The following PCDHGA1 variants were observed in gnomAD, a reference collection of about 807,000 sequenced individuals.
PCDHGA1 encodes protocadherin gamma subfamily A, 1.
A neutral mutation model predicts 58.0 loss-of-function variants in PCDHGA1; 32 were observed. The ratio of observed to expected loss-of-function variants is 0.55; its 90% confidence interval spans 0.42 to 0.74. The LOEUF is 0.74. PCDHGA1 is among the 30% of genes least tolerant of loss of function. The pLI is 0.00. For missense variants in PCDHGA1, 1,205 were observed against 1,182.3 expected (o/e 1.02, Z -0.28); for synonymous variants, 498 against 501.1 (o/e 0.99, Z 0.08).
At chr5:141,444,152 A>ATTTTT (rs747671382) in intron 1 of PCDHGA1, among the ~76,000 whole-genome samples, 10 of 33,898 alleles carry the variant, frequency 3.0e-4, no homozygotes, top group Middle Eastern at 0.019. Context: ...TGTGTACTGG[A>ATTTTT]TTTTTTTTTT....
chr5:141,336,308 G>A (rs1363631784), intron 1 of PCDHGA1, among the ~76,000 whole-genome samples: 1 of 152,124 alleles, frequency 6.6e-6, no homozygotes, highest in East Asian at 1.9e-4. Context: ...TTGAGCCCAG[G>A]AGTTTGAATC....
chr5:141,387,732 C>G (rs940812767), intron 1 of PCDHGA1: 1 of 1,279,212 alleles, frequency 7.8e-7, no homozygotes, highest in South Asian at 1.6e-5. Context: ...CAGCGCCAGC[C>G]TTTACACCGC....
At chr5:141,357,329 T>C (rs376468685) in intron 1 of PCDHGA1, 1 of 1,614,000 alleles carries the variant, frequency 6.2e-7, no homozygotes, top group Admixed American at 1.7e-5. Context: ...TTTGTCACGG[T>C]GCTGCTAGCA....
intron 1 of PCDHGA1, chr5:141,371,338 A>G (rs767000210): frequency 6.2e-7 from 1 of 1,613,990 alleles, no homozygotes; most frequent in Non-Finnish European, 8.5e-7. Context: ...AGAGATAGCT[A>G]CACAATTGGG....
intron 1 of PCDHGA1, among the ~76,000 whole-genome samples, chr5:141,343,646 T>G (rs1165242149): frequency 1.3e-5 from 2 of 152,256 alleles, no homozygotes; most frequent in African/African-American, 4.8e-5. Flanking sequence ...GGTGACACTG[T>G]TTAACATATA....
chr5:141,395,063 G>A, intron 1 of PCDHGA1: 3 of 1,614,168 alleles, frequency 1.9e-6, no homozygotes, highest in Non-Finnish European at 2.5e-6. Flanking sequence ...AGGCTTTCCT[G>A]CAGACCTATT....
At chr5:141,402,019 C>A (rs1354499456) in intron 1 of PCDHGA1, among the ~76,000 whole-genome samples, 1 of 152,084 alleles carries the variant, frequency 6.6e-6, no homozygotes, top group Non-Finnish European at 1.5e-5. Flanking sequence ...GCATTTGAAT[C>A]ATTGAAACAC....
At chr5:141,409,241 A>G in intron 1 of PCDHGA1, 1 of 1,614,038 alleles carries the variant, frequency 6.2e-7, no homozygotes. Context: ...CAGCCCAGAA[A>G]TAATCATCAC....
rs1246506569 is a variant in PCDHGA1, at chr5:141,341,375, A to G, written c.2421+8270A>G. The G allele has an allele frequency of 3.1e-6, 5 of 1,614,146 alleles. 1 individual carries two copies. The South Asian group carries it at 4.4e-5, about 14-fold the overall frequency. On this transcript the variant is annotated intron_variant, in intron 1 of 3. Coordinates refer to ENST00000517417, the MANE Select transcript of PCDHGA1 (RefSeq NM_018912.3). ...GCCTCAATCTCTACTCGAAGAAGAA[A>G]GAGAAGAAACGTTTTCTCAGGTAAT...
At chr5:141,339,300 T>A (rs767680230) in intron 1 of PCDHGA1, 1 of 1,614,266 alleles carries the variant, frequency 6.2e-7, no homozygotes, top group East Asian at 2.2e-5. Context: ...AACATTCTGC[T>A]GGAGGATAAA....
rs754169973 is a variant in PCDHGA1 at position 141,340,209 on chromosome 5, A to T, written c.2421+7104A>T. On this transcript the variant is annotated intron_variant, in intron 1 of 3. Coordinates refer to ENST00000517417, the MANE Select transcript of PCDHGA1 (RefSeq NM_018912.3). ...GTTACAACCAGAGCCCTTGACAGGG[A>T]ACAGTTTTCCTTTTACAACATCACT... 3.7e-6 allele frequency: 6 copies of T among 1,614,036 alleles called. No individual in the cohort carries two copies. In the East Asian group the frequency reaches 1.3e-4, roughly 36 times the overall value.
chr5:141,454,575 T>G (rs1430018751), intron 1 of PCDHGA1, among the ~76,000 whole-genome samples: 1 of 151,400 alleles, frequency 6.6e-6, no homozygotes, highest in African/African-American at 2.4e-5. Context: ...CCCGGCTAAT[T>G]TTGTATTTTT....
At chr5:141,369,807 C>A (rs998139632) in intron 1 of PCDHGA1, among the ~76,000 whole-genome samples, 1 of 152,130 alleles carries the variant, frequency 6.6e-6, no homozygotes, top group Non-Finnish European at 1.5e-5. Flanking sequence ...CTGCCATCAC[C>A]AAAAATAGCT....
chr5:141,473,193 A>G (rs938175797), intron 1 of PCDHGA1, among the ~76,000 whole-genome samples: 2 of 152,232 alleles, frequency 1.3e-5, no homozygotes, highest in African/African-American at 4.8e-5. Flanking sequence ...GAGTAAATGT[A>G]TCTTCTAAAA....
chr5:141,422,910 C>T (rs756589496), intron 1 of PCDHGA1: 2 of 1,614,252 alleles, frequency 1.2e-6, no homozygotes, highest in South Asian at 1.1e-5. Context: ...ACAATGCGCC[C>T]GAGATCCTGT....
chr5:141,389,918 C>A (rs1341057088), intron 1 of PCDHGA1: 5 of 1,613,966 alleles, frequency 3.1e-6, no homozygotes, highest in Non-Finnish European at 4.2e-6. Flanking sequence ...ACCGCCCCGA[C>A]CCCTCTGACC....
intron 1 of PCDHGA1, among the ~76,000 whole-genome samples, chr5:141,405,652 G>GT (rs1479754913): frequency 6.6e-6 from 1 of 152,034 alleles, no homozygotes; most frequent in Non-Finnish European, 1.5e-5. Flanking sequence ...TTTTTTGTGT[G>GT]TTTTTAGTAG....
chr5:141,383,107 G>A, intron 1 of PCDHGA1: 1 of 1,614,032 alleles, frequency 6.2e-7, no homozygotes, highest in South Asian at 1.1e-5. Context: ...CATCTCCAGA[G>A]GTAGGACGCA....
intron 1 of PCDHGA1, chr5:141,365,618 C>T: frequency 6.2e-7 from 1 of 1,613,564 alleles, no homozygotes; most frequent in Non-Finnish European, 8.5e-7. Flanking sequence ...CCATGGAACC[C>T]CGCCCCTCTC....
Sources: gnomAD v4.1 joint callset for allele counts (sites outside exome capture counted in the v4.1 genomes callset) on GRCh38, gnomAD v4.1.1 for gene constraint, MANE v1.5 for transcripts, NCBI Gene and HGNC (gene_info 2026-07-23, HGNC 2026-07-21) for gene names.